Variants in P4HA3 observed in about 807,000 individuals in gnomAD.
The protein encoded by P4HA3 is prolyl 4-hydroxylase subunit alpha 3.
In P4HA3, 60 loss-of-function variants were observed where a neutral mutation model predicts 66.7. The observed-to-expected ratio is 0.90, with a 90% CI of 0.73 to 1.12. P4HA3 has a LOEUF of 1.12. P4HA3 is among the 50% of genes most tolerant of loss of function. The pLI, the probability that P4HA3 is intolerant of heterozygous loss-of-function variation, is 0.00. For synonymous variants in P4HA3, 263 were observed against 274.6 expected (o/e 0.96, Z 0.42); for missense variants, 683 against 685.8 (o/e 1.00, Z 0.05).
At chr11:74,276,190 C>T (rs1490935074) in intron 9 of P4HA3, among the ~76,000 whole-genome samples, 1 of 152,136 alleles carries the variant, frequency 6.6e-6, no homozygotes, top group Non-Finnish European at 1.5e-5. Context: ...TCAAAAATTA[C>T]GTGTCAGGTA....
intron 2 of P4HA3, 67 bp downstream of exon 2, chr11:74,304,203 T>G (rs1369866490): frequency 3.8e-6 from 6 of 1,571,586 alleles, no homozygotes; most frequent in Non-Finnish European, 4.3e-6. Flanking sequence ...CAACAGAATC[T>G]CTCTCCTTAC....
chr11:74,277,562 G>A (rs1232290634), intron 8 of P4HA3, among the ~76,000 whole-genome samples: 1 of 152,202 alleles, frequency 6.6e-6, no homozygotes. Context: ...TCAGTGTGTT[G>A]TCTATAAAAT....
chr11:74,260,697 A>G (rs1057256536), intron 14 of P4HA3, among the ~76,000 whole-genome samples: 5 of 152,200 alleles, frequency 3.3e-5, no homozygotes, highest in African/African-American at 1.2e-4. Context: ...GTGCAAAAGT[A>G]ATTGTGTTTT....
intron 4 of P4HA3, among the ~76,000 whole-genome samples, chr11:74,293,005 A>G (rs886301721): frequency 2.0e-5 from 3 of 152,118 alleles, no homozygotes; most frequent in Admixed American, 2.0e-4. Context: ...TATCCTTGTT[A>G]ACTTTCTGTC....
chr11:74,284,324 T>C (rs1860706775), intron 7 of P4HA3, among the ~76,000 whole-genome samples: 1 of 152,218 alleles, frequency 6.6e-6, no homozygotes, highest in African/African-American at 2.4e-5. Flanking sequence ...CCACATGCTT[T>C]GCTCTGACCA....
intron 7 of P4HA3, among the ~76,000 whole-genome samples, chr11:74,283,482 T>C (rs980907357): frequency 1.3e-5 from 2 of 152,184 alleles, no homozygotes; most frequent in African/African-American, 2.4e-5. Context: ...CTCCAATCCA[T>C]GTCTGCTGTT....
At chr11:74,265,230 G>A (rs553149166), downstream of P4HA3, among the ~76,000 whole-genome samples, 5 of 152,270 alleles carry the variant, frequency 3.3e-5, no homozygotes, top group South Asian at 1.0e-3. Context: ...CTCGTCTCAG[G>A]CCTGTTCCTC....
At chr11:74,288,453 C>G (rs1307850821) in intron 5 of P4HA3, among the ~76,000 whole-genome samples, 2 of 152,184 alleles carry the variant, frequency 1.3e-5, no homozygotes, top group Non-Finnish European at 2.9e-5. Flanking sequence ...TTTAAAATGT[C>G]TCTGAAGAAA....
intron 7 of P4HA3, among the ~76,000 whole-genome samples, chr11:74,284,765 A>G (rs2134761324): frequency 6.6e-6 from 1 of 152,194 alleles, no homozygotes; most frequent in Admixed American, 6.5e-5. Flanking sequence ...TCTCCCAGGA[A>G]TCAGCCCTGG....
At position 74,269,647 on chromosome 11, in the gene P4HA3, C is replaced by A. The variant is rs761647228; in HGVS notation, c.1467+5G>T. On this transcript the variant is annotated splice_donor_5th_base_variant and intron_variant, in intron 11 of 12. Coordinates refer to ENST00000331597, the MANE Select transcript of P4HA3 (RefSeq NM_182904.5). ...CCCGTCTTCTGGGACCAGGGCCCCA[C>A]TCACCCTAACCACAGGCACGCTGAG... The A allele has an allele frequency of 1.2e-6, 2 of 1,612,670 alleles. No individual in the cohort carries two copies. Among genetic ancestry groups the A allele is most frequent in the Admixed American group, 1.7e-5 (1 of 59,904 alleles).
intron 15 of P4HA3, chr11:74,252,557 G>A (rs1859730528): frequency 2.2e-6 from 1 of 454,550 alleles, no homozygotes; most frequent in Admixed American, 2.3e-5. Context: ...AAGCTCTAGA[G>A]CAGGGTTTTC....
intron 7 of P4HA3, 89 bp downstream of exon 7, chr11:74,285,720 A>T: frequency 7.3e-7 from 1 of 1,364,526 alleles, no homozygotes; most frequent in Non-Finnish European, 1.0e-6. Flanking sequence ...TGAGGTGTCT[A>T]GTTGTTCAGG....
intron 1 of P4HA3, among the ~76,000 whole-genome samples, chr11:74,305,534 T>C (rs1013073399): frequency 1.3e-5 from 2 of 152,160 alleles, no homozygotes; most frequent in Non-Finnish European, 2.9e-5. Context: ...TTATGCTATA[T>C]GGTTTCTTAA....
rs1284501019 is a variant in P4HA3 at position 74,311,347 on chromosome 11, C to T, written c.200+65G>A. The T allele has an allele frequency of 7.1e-6, 10 of 1,406,114 alleles. No individual in the cohort carries two copies. The Admixed American group carries it at 9.2e-5, about 13-fold the overall frequency. The allele number at this position is 1,406,114 out of a possible 1,614,324, so 87.1% of individuals were successfully genotyped here. On this transcript the variant is annotated intron_variant, in intron 1 of 12. Transcript: ENST00000331597. The stretch of plus-strand genomic sequence containing the variant: ...TGGGGTCACACTCAACCTGAGTCAC[C>T]CCACCCTGCGGCACAGTGTATCCCA...
intron 9 of P4HA3, among the ~76,000 whole-genome samples, chr11:74,275,694 C>T (rs74689148): frequency 1.3e-5 from 2 of 152,108 alleles, no homozygotes; most frequent in East Asian, 1.9e-4. Flanking sequence ...GATCAGCATG[C>T]TAATTTCTAC....
chr11:74,293,803 T>C (rs1372152968), intron 4 of P4HA3, among the ~76,000 whole-genome samples: 22 of 152,242 alleles, frequency 1.4e-4, no homozygotes, highest in Non-Finnish European at 1.5e-5. Context: ...GTAGAGTTTC[T>C]GCTGAGAGAT....
At chr11:74,306,882 C>G (rs982176030) in intron 1 of P4HA3, among the ~76,000 whole-genome samples, 4 of 152,180 alleles carry the variant, frequency 2.6e-5, no homozygotes, top group African/African-American at 9.7e-5. Flanking sequence ...AAAGACAAGG[C>G]AGTCTGTGAG....
intron 1 of P4HA3, among the ~76,000 whole-genome samples, chr11:74,309,259 A>T (rs1861656755): frequency 6.6e-6 from 1 of 152,234 alleles, no homozygotes; most frequent in African/African-American, 2.4e-5. Flanking sequence ...TAACAAGTGT[A>T]ATACAAATCT....
At chr11:74,257,231 TCTC>T (rs1565400295) in intron 15 of P4HA3, among the ~76,000 whole-genome samples, 4 of 152,180 alleles carry the variant, frequency 2.6e-5, no homozygotes, top group East Asian at 3.9e-4. Flanking sequence ...TTCAAGCAAT[TCTC>T]CTGCCTCAGC....
Sources: gnomAD v4.1 joint callset for allele counts (sites outside exome capture counted in the v4.1 genomes callset) on GRCh38, gnomAD v4.1.1 for gene constraint, MANE v1.5 for transcripts, NCBI Gene and HGNC (gene_info 2026-07-23, HGNC 2026-07-21) for gene names.